Variants in WDPCP observed in about 807,000 individuals in gnomAD.
WDPCP encodes WD repeat-containing and planar cell polarity effector protein fritz homolog.
Under a neutral mutation model 93.1 loss-of-function variants are expected in WDPCP, and 71 were observed. The observed-to-expected ratio is 0.76, with a 90% confidence interval of 0.63 to 0.93. WDPCP has a LOEUF of 0.93. Ranked by LOEUF, WDPCP falls within the 40% of genes least tolerant of loss-of-function variation. The pLI is 0.00. For missense variants in WDPCP, 844 were observed against 887.4 expected (o/e 0.95, Z 0.62); for synonymous variants, 315 against 315.0 (o/e 1.00, Z 0.00).
intron 15 of WDPCP, among the ~76,000 whole-genome samples, chr2:63,158,973 CAAAAAAAAAAAAA>C (rs34001322): frequency 3.1e-4 from 19 of 61,132 alleles, no homozygotes; most frequent in South Asian, 6.8e-4. Context: ...CTCATCTCTA[CAAAAAAAAAAAAA>C]AAAAAAAAAA....
intron 10 of WDPCP, among the ~76,000 whole-genome samples, chr2:63,398,822 C>T (rs1693943335): frequency 6.6e-6 from 1 of 151,922 alleles, no homozygotes; most frequent in Non-Finnish European, 1.5e-5. Flanking sequence ...CATGCAACTA[C>T]CTGTTTATAT....
Position 63,700,297 on chromosome 2 carries a change from A to C in WDPCP, n.309-49459T>G, listed in dbSNP as rs531402625. On this transcript the variant is annotated intron_variant and non_coding_transcript_variant, in intron 2 of 4. Transcript: ENST00000467687. ...GACCCTGTCTCAAAAAAAAAAAAAA[A>C]AAAAAACAAAAAGAAAAAAAGAAAA... Among the ~76,000 whole-genome samples, 76 of 110,384 alleles carry C rather than the reference A, an allele frequency of 6.9e-4. 1 individual carries two copies. In the South Asian group the frequency reaches 0.02, roughly 30 times the overall value. 72.4% of individuals were successfully genotyped at this position (110,384 alleles called of 152,430 possible). A position where few individuals can be genotyped will look rare whatever the true frequency, so the allele number is the denominator to read the frequency against.
At chr2:63,426,003 A>C (rs971042949) in intron 9 of WDPCP, among the ~76,000 whole-genome samples, 1 of 152,210 alleles carries the variant, frequency 6.6e-6, no homozygotes, top group Non-Finnish European at 1.5e-5. Context: ...TACAAAGGGA[A>C]CTACGTCAGG....
intron 6 of WDPCP, among the ~76,000 whole-genome samples, chr2:63,445,673 G>A (rs558806313): frequency 1.3e-5 from 2 of 152,236 alleles, no homozygotes; most frequent in Admixed American, 6.5e-5. Flanking sequence ...AAAAGAGCAG[G>A]CAAGGTGGTA....
At chr2:63,740,604 G>C (rs536420657) in intron 2 of WDPCP, among the ~76,000 whole-genome samples, 3 of 152,266 alleles carry the variant, frequency 2.0e-5, no homozygotes, top group South Asian at 4.1e-4. Context: ...AGTATATTAT[G>C]AATGGGAAGA....
intron 2 of WDPCP, among the ~76,000 whole-genome samples, chr2:63,651,524 G>C (rs1484446341): frequency 2.0e-5 from 3 of 151,984 alleles, no homozygotes; most frequent in African/African-American, 7.3e-5. Context: ...TGTGCAATGT[G>C]GGGGCTGGCA....
At chr2:63,498,357 G>A (rs1359345618) in intron 1 of WDPCP, among the ~76,000 whole-genome samples, 1 of 151,970 alleles carries the variant, frequency 6.6e-6, no homozygotes, top group Non-Finnish European at 1.5e-5. Flanking sequence ...TTTTATACAG[G>A]GGACAATCTA....
At chr2:63,757,230 C>CA (rs1435819321) in intron 2 of WDPCP, among the ~76,000 whole-genome samples, 2 of 152,186 alleles carry the variant, frequency 1.3e-5, no homozygotes, top group Non-Finnish European at 2.9e-5. Context: ...ATCTCAAAAT[C>CA]AGAATTAATC....
chr2:63,343,320 T>C (rs1218492059), intron 12 of WDPCP, among the ~76,000 whole-genome samples: 4 of 152,072 alleles, frequency 2.6e-5, no homozygotes, highest in Admixed American at 6.6e-5. Flanking sequence ...AGTTTGCATA[T>C]GTCTTCTCAC....
chr2:63,426,137 G>A (rs1360851230), intron 9 of WDPCP, among the ~76,000 whole-genome samples: 5 of 152,260 alleles, frequency 3.3e-5, no homozygotes, highest in South Asian at 2.1e-4. Flanking sequence ...TCAGGAGTTC[G>A]AGACCAGCCT....
intron 13 of WDPCP, among the ~76,000 whole-genome samples, chr2:63,268,156 A>T (rs1250297840): frequency 6.6e-6 from 1 of 152,188 alleles, no homozygotes; most frequent in Admixed American, 6.5e-5. Context: ...AAATAAGAAA[A>T]TTTTTTCATT....
At chr2:63,311,334 G>A (rs1686175311) in intron 13 of WDPCP, among the ~76,000 whole-genome samples, 1 of 152,102 alleles carries the variant, frequency 6.6e-6, no homozygotes, top group Admixed American at 6.5e-5. Context: ...CTGGCTAGAT[G>A]AAATTTAGAT....
intron 1 of WDPCP, among the ~76,000 whole-genome samples, chr2:63,530,297 T>C (rs954359484): frequency 6.6e-6 from 1 of 152,190 alleles, no homozygotes; most frequent in African/African-American, 2.4e-5. Flanking sequence ...GATGTTAGGG[T>C]GTCAATTTTA....
intron 6 of WDPCP, among the ~76,000 whole-genome samples, chr2:63,445,117 T>G (rs1033685510): frequency 2.0e-5 from 3 of 151,634 alleles, no homozygotes; most frequent in Non-Finnish European, 4.4e-5. Context: ...AAACAAAACA[T>G]AAATAACATC....
intron 3 of WDPCP, among the ~76,000 whole-genome samples, chr2:63,617,495 A>G (rs929335816): frequency 1.3e-5 from 2 of 152,186 alleles, no homozygotes; most frequent in Admixed American, 1.3e-4. Flanking sequence ...GATATATGAA[A>G]CTAAGCAGCC....
chr2:63,580,291 A>C (rs1319841863), intron 1 of WDPCP, among the ~76,000 whole-genome samples: 1 of 152,194 alleles, frequency 6.6e-6, no homozygotes, highest in Non-Finnish European at 1.5e-5. Flanking sequence ...AAAAATAATC[A>C]ATAAGTGCTA....
chr2:63,641,770 A>G (rs1185851936), intron 3 of WDPCP, among the ~76,000 whole-genome samples: 1 of 151,864 alleles, frequency 6.6e-6, no homozygotes, highest in African/African-American at 2.4e-5. Flanking sequence ...GATTGTTTCC[A>G]TTTCTGTGCA....
At chr2:63,518,639 T>C (rs902500107) in intron 1 of WDPCP, 1 of 152,484 alleles carries the variant, frequency 6.6e-6, no homozygotes, top group Non-Finnish European at 1.5e-5. Context: ...TAGGAGACTT[T>C]AGCCTTAGGG....
intron 3 of WDPCP, among the ~76,000 whole-genome samples, chr2:63,618,756 T>C (rs781055951): frequency 1.3e-5 from 2 of 150,258 alleles, no homozygotes; most frequent in African/African-American, 2.5e-5. Context: ...AATGGCGCAA[T>C]CTCCGCTCAC....
Sources: gnomAD v4.1 joint callset for allele counts (sites outside exome capture counted in the v4.1 genomes callset) on GRCh38, gnomAD v4.1.1 for gene constraint, MANE v1.5 for transcripts, NCBI Gene and HGNC (gene_info 2026-07-23, HGNC 2026-07-21) for gene names.